SHISA9: variants seen among roughly 807,000 people sequenced by gnomAD.
The protein encoded by SHISA9 is protein shisa-9.
SHISA9 carries 13 observed loss-of-function variants against 38.0 expected under a neutral mutation model. The observed-to-expected ratio is 0.34, with a 90% confidence interval of 0.22 to 0.54. The LOEUF (loss-of-function observed/expected upper bound fraction) is 0.54. SHISA9 is among the 20% of genes least tolerant of loss of function. SHISA9 has a pLI of 0.91. For missense variants in SHISA9, 538 were observed against 575.8 expected, an observed-to-expected ratio of 0.93 and a Z score of 0.67; for synonymous variants, 275 against 242.0, an observed-to-expected ratio of 1.14 and a Z score of -1.27.
In SHISA9 at chr16:13,187,124, C is replaced by T. The variant is rs1316155831; in HGVS notation, c.692-16270C>T. Among the ~76,000 whole-genome samples, 3 of 152,262 alleles carry T rather than the reference C, an allele frequency of 2.0e-5. No homozygotes were observed. In the East Asian group the frequency reaches 5.8e-4, roughly 29 times the overall value. Reference sequence around the variant, plus strand: ...GCAGCACTGACTTCCCCGTTTCCCCCATTCCATGTGCCCTAGCAGACTCTG... The same window carrying T: ...GCAGCACTGACTTCCCCGTTTCCCCTATTCCATGTGCCCTAGCAGACTCTG... On this transcript the variant is annotated intron_variant, in intron 2 of 4. Transcript: ENST00000558583.
intron 2 of SHISA9, among the ~76,000 whole-genome samples, chr16:13,022,229 G>A (rs2072864592): frequency 6.6e-6 from 1 of 152,074 alleles, no homozygotes; most frequent in South Asian, 2.1e-4. Context: ...ACAGCTCACT[G>A]CAGCTTTGAA....
the SHISA9 span, among the ~76,000 whole-genome samples, chr16:13,551,291 C>T: frequency 6.6e-6 from 1 of 152,104 alleles, no homozygotes. Context: ...CACATAAGCA[C>T]CAACACAAAC....
the SHISA9 span, among the ~76,000 whole-genome samples, chr16:13,281,385 CTCAA>C: frequency 6.6e-6 from 1 of 151,710 alleles, no homozygotes; most frequent in South Asian, 2.1e-4. Context: ...TTATTTTAAT[CTCAA>C]TCTTTCTGTA....
At chr16:13,141,629 A>G (rs1448246280) in intron 2 of SHISA9, among the ~76,000 whole-genome samples, 1 of 152,020 alleles carries the variant, frequency 6.6e-6, no homozygotes, top group Non-Finnish European at 1.5e-5. Context: ...GTTGCAGTGA[A>G]CTGAGATCAC....
chr16:13,317,065 C>A, the SHISA9 span, among the ~76,000 whole-genome samples: 6 of 152,162 alleles, frequency 3.9e-5, no homozygotes, highest in African/African-American at 1.4e-4. Context: ...TAGCTGCTTC[C>A]AGAGGCCAGT....
In SHISA9 at chr16:13,175,019, C is replaced by G. The variant is rs144867498; in HGVS notation, c.692-28375C>G. ...AGCATGAAATAATCTCAGCTTCAGT[C>G]CCAGAGCTGCCTATCGGATGCTAGC... On this transcript the variant is annotated intron_variant, in intron 2 of 4. Transcript: ENST00000558583. Among the ~76,000 whole-genome samples, 303 of 152,250 alleles carry G rather than the reference C, an allele frequency of 2.0e-3. 2 individuals are homozygous for G. Among genetic ancestry groups the G allele is most frequent in the African/African-American group, 6.9e-3 (288 of 41,524 alleles).
At chr16:13,094,650 G>A (rs1429065858) in intron 2 of SHISA9, among the ~76,000 whole-genome samples, 11 of 152,068 alleles carry the variant, frequency 7.2e-5, no homozygotes, top group African/African-American at 2.7e-4. Flanking sequence ...TCGAAGTCAG[G>A]GATAAAATAT....
At chr16:13,386,451 A>T in the SHISA9 span, among the ~76,000 whole-genome samples, 1 of 152,214 alleles carries the variant, frequency 6.6e-6, no homozygotes, top group African/African-American at 2.4e-5. Flanking sequence ...TCCACCACTC[A>T]GTAGCCTTGA....
chr16:12,956,874 T>A (rs1567352111), intron 2 of SHISA9, among the ~76,000 whole-genome samples: 1 of 152,194 alleles, frequency 6.6e-6, no homozygotes, highest in Non-Finnish European at 1.5e-5. Flanking sequence ...AAAATGTGTA[T>A]TTGTGCATTA....
the SHISA9 span, among the ~76,000 whole-genome samples, chr16:13,492,610 A>G: frequency 9.2e-5 from 14 of 152,290 alleles, no homozygotes; most frequent in South Asian, 2.1e-3. Flanking sequence ...GGGCCATGTA[A>G]GCCATTCACC....
the SHISA9 span, among the ~76,000 whole-genome samples, chr16:13,250,776 A>T: frequency 6.6e-6 from 1 of 152,186 alleles, no homozygotes; most frequent in African/African-American, 2.4e-5. Context: ...GCTGGAACCC[A>T]TTCAGCCATT....
At chr16:13,241,204 G>C (rs2051432593), downstream of SHISA9, among the ~76,000 whole-genome samples, 1 of 152,186 alleles carries the variant, frequency 6.6e-6, no homozygotes, top group South Asian at 2.1e-4. Context: ...AAGGCAGAAG[G>C]ACTTTCATGG....
Position 12,907,222 on chromosome 16 carries a change from C to T in SHISA9, c.563+4595C>T, listed in dbSNP as rs534207983. Among the ~76,000 whole-genome samples, 3 of 126,490 alleles carry T rather than the reference C, an allele frequency of 2.4e-5. No individual in the cohort carries two copies. The East Asian group carries it at 8.5e-4, about 36-fold the overall frequency. The allele number at this position is 126,490 out of a possible 152,430, so 83.0% of individuals were successfully genotyped here. On this transcript the variant is annotated intron_variant, in intron 1 of 4. Coordinates refer to ENST00000558583, the MANE Select transcript of SHISA9 (RefSeq NM_001145204.3). ...CCTCCCTCCCTCCCTTCCTTGCTTC[C>T]TTCCTCCTTTCTTTCCTCTCTTCCC...
At chr16:13,176,015 TTAAG>T (rs1217132554) in intron 2 of SHISA9, among the ~76,000 whole-genome samples, 1 of 152,176 alleles carries the variant, frequency 6.6e-6, no homozygotes, top group African/African-American at 2.4e-5. Context: ...AAATGTAACT[TTAAG>T]TAGGCATAGC....
intron 2 of SHISA9, among the ~76,000 whole-genome samples, chr16:12,978,690 C>T (rs1323808690): frequency 6.6e-6 from 1 of 152,214 alleles, no homozygotes; most frequent in Non-Finnish European, 1.5e-5. Context: ...GGCTTGACAT[C>T]ATCGTAGACC....
At chr16:13,259,986 G>T in the SHISA9 span, among the ~76,000 whole-genome samples, 3 of 130,058 alleles carry the variant, frequency 2.3e-5, no homozygotes, top group Non-Finnish European at 5.0e-5. Flanking sequence ...CCCAGAAAAT[G>T]GATTTTTCTT....
At chr16:13,367,689 C>T in the SHISA9 span, among the ~76,000 whole-genome samples, 54 of 126,148 alleles carry the variant, frequency 4.3e-4, no homozygotes, top group Admixed American at 3.0e-3. Context: ...AGTGTACACG[C>T]GTGTGCGTGC....
chr16:13,463,319 A>C, the SHISA9 span, among the ~76,000 whole-genome samples: 1 of 152,120 alleles, frequency 6.6e-6, no homozygotes, highest in African/African-American at 2.4e-5. Flanking sequence ...AGGTGTGGAG[A>C]GAGAGAGGAC....
intron 2 of SHISA9, among the ~76,000 whole-genome samples, chr16:13,131,583 G>A: frequency 6.6e-6 from 1 of 152,024 alleles, no homozygotes; most frequent in East Asian, 1.9e-4. Context: ...TACCTATGCA[G>A]CAAACCTGCA....
Sources: gnomAD v4.1 joint callset for allele counts (sites outside exome capture counted in the v4.1 genomes callset) on GRCh38, gnomAD v4.1.1 for gene constraint, MANE v1.5 for transcripts, NCBI Gene and HGNC (gene_info 2026-07-23, HGNC 2026-07-21) for gene names.